AGBL4: variants seen among roughly 807,000 people sequenced by gnomAD.
AGBL4 encodes cytosolic carboxypeptidase 6.
Under a neutral mutation model 66.4 loss-of-function variants are expected in AGBL4, and 58 were observed. The ratio of observed to expected loss-of-function variants is 0.87; its 90% CI spans 0.71 to 1.09. AGBL4 has a LOEUF of 1.09. AGBL4 is among the 50% of genes least tolerant of loss of function. AGBL4 has a pLI of 0.00. For missense variants in AGBL4, 579 were observed against 631.0 expected (o/e 0.92, Z 0.88); for synonymous variants, 234 against 222.9 (o/e 1.05, Z -0.44).
the AGBL4 span, among the ~76,000 whole-genome samples, chr1:48,526,163 C>T: frequency 1.3e-5 from 2 of 152,198 alleles, no homozygotes; most frequent in Admixed American, 1.3e-4. Context: ...CAGGAACAAA[C>T]ATAAACCAGT....
intron 3 of AGBL4, among the ~76,000 whole-genome samples, chr1:49,680,169 G>A (rs1207704183): frequency 2.0e-5 from 3 of 149,096 alleles, no homozygotes; most frequent in Non-Finnish European, 3.0e-5. Flanking sequence ...TCCTGCCTCA[G>A]TCTCCCGAGT....
chr1:49,280,847 G>T (rs1053398481), intron 3 of AGBL4, among the ~76,000 whole-genome samples: 1 of 152,122 alleles, frequency 6.6e-6, no homozygotes, highest in African/African-American at 2.4e-5. Flanking sequence ...TTACATTTTA[G>T]TGGGGGAGAT....
chr1:49,692,211 T>C (rs1350343663), intron 3 of AGBL4, among the ~76,000 whole-genome samples: 1 of 152,080 alleles, frequency 6.6e-6, no homozygotes, highest in Non-Finnish European at 1.5e-5. Flanking sequence ...TTACTTTCAT[T>C]TTACAGATGA....
intron 3 of AGBL4, among the ~76,000 whole-genome samples, chr1:49,280,176 CT>C (rs1365444756): frequency 6.6e-6 from 1 of 152,090 alleles, no homozygotes; most frequent in Non-Finnish European, 1.5e-5. Context: ...TCCCACACCC[CT>C]ATGATTGCAC....
intron 1 of AGBL4, among the ~76,000 whole-genome samples, chr1:50,007,367 C>A (rs1448158239): frequency 6.6e-6 from 1 of 152,140 alleles, no homozygotes; most frequent in African/African-American, 2.4e-5. Flanking sequence ...CCTTATCTAT[C>A]AATAACAACA....
intron 11 of AGBL4, among the ~76,000 whole-genome samples, chr1:48,540,843 C>T (rs1644055813): frequency 6.6e-6 from 1 of 152,122 alleles, no homozygotes; most frequent in Non-Finnish European, 1.5e-5. Context: ...TTGCTGTCAT[C>T]CTGTCCTAAC....
rs185546450 is a variant in AGBL4 at position 49,422,964 on chromosome 1, G to A, written c.283-177100C>T. The A allele has an allele frequency of 4.6e-5, 7 of 152,302 alleles. No homozygotes were observed. The East Asian group carries it at 1.2e-3, about 25-fold the overall frequency. The allele number at this position is 152,302 out of a possible 1,614,324, so 9.4% of individuals were successfully genotyped here. On this transcript the variant is annotated intron_variant, in intron 3 of 13. Coordinates refer to ENST00000371839, the MANE Select transcript of AGBL4 (RefSeq NM_032785.4). ...ACTACATTTCTCAGTCTTCCCTGCA[G>A]TTAGATAAGACTATGAACCAACTCT...
intron 2 of AGBL4, among the ~76,000 whole-genome samples, chr1:49,748,507 A>G (rs1333272920): frequency 2.0e-5 from 3 of 152,192 alleles, no homozygotes; most frequent in Admixed American, 2.0e-4. Flanking sequence ...ATGATTTATA[A>G]TACTTTGGGT....
At chr1:48,960,189 T>G (rs189043283) in intron 5 of AGBL4, among the ~76,000 whole-genome samples, 8 of 152,106 alleles carry the variant, frequency 5.3e-5, no homozygotes, top group African/African-American at 1.9e-4. Flanking sequence ...GGATATATAT[T>G]GATCATAGAA....
chr1:49,368,712 T>C (rs1223819164), intron 3 of AGBL4, among the ~76,000 whole-genome samples: 1 of 152,188 alleles, frequency 6.6e-6, no homozygotes, highest in East Asian at 1.9e-4. Flanking sequence ...AGTCTAATAT[T>C]TTTATGTTGC....
At chr1:49,672,985 T>A in intron 3 of AGBL4, among the ~76,000 whole-genome samples, 1 of 139,018 alleles carries the variant, frequency 7.2e-6, no homozygotes, top group African/African-American at 2.6e-5. Flanking sequence ...AGCCCAAAAC[T>A]AACAAAGAAA....
At chr1:49,184,039 A>G (rs767271396) in intron 4 of AGBL4, among the ~76,000 whole-genome samples, 1 of 152,210 alleles carries the variant, frequency 6.6e-6, no homozygotes, top group Non-Finnish European at 1.5e-5. Context: ...CTGGAACCCA[A>G]ATCTTTTGAT....
rs370669318 is a variant in AGBL4, at chr1:48,663,226, C to T, written c.650G>A (p.Gly217Glu). Reference sequence around the variant, plus strand: ...GATGAATACCACCTTCTGCTCTGCCCCTTCCCGGAGATTGTCTGTAAGATA... The same window carrying T: ...GATGAATACCACCTTCTGCTCTGCCTCTTCCCGGAGATTGTCTGTAAGATA... ...TITSPDNLRE[G>E]AEQKVVFITG... Residue 217 changes from glycine (G) to glutamate (E), a missense_variant, in exon 7 of 14, where the codon GGG becomes GAG. By Grantham distance (98) the Gly-to-Glu change is moderately conservative (BLOSUM62 -2). Coordinates refer to ENST00000371839, the MANE Select transcript of AGBL4 (RefSeq NM_032785.4). 2.5e-6 allele frequency: 4 copies of T among 1,613,790 alleles called. No individual in the cohort carries two copies. Among genetic ancestry groups the T allele is most frequent in the Non-Finnish European group, 3.4e-6 (4 of 1,179,872 alleles).
intron 11 of AGBL4, among the ~76,000 whole-genome samples, chr1:48,572,691 G>C (rs986946680): frequency 9.2e-5 from 14 of 152,102 alleles, no homozygotes; most frequent in East Asian, 1.9e-4. Context: ...GAACTGAAGG[G>C]GGGGTGCGTC....
chr1:49,235,933 C>G (rs1650698747), intron 4 of AGBL4, among the ~76,000 whole-genome samples: 1 of 152,098 alleles, frequency 6.6e-6, no homozygotes, highest in Non-Finnish European at 1.5e-5. Flanking sequence ...ATTATCTCCA[C>G]CACCCTACCC....
At chr1:49,823,709 T>C (rs1645429090) in intron 2 of AGBL4, among the ~76,000 whole-genome samples, 1 of 151,956 alleles carries the variant, frequency 6.6e-6, no homozygotes, top group African/African-American at 2.4e-5. Context: ...GTGCTTGATA[T>C]CCAATTTTAA....
intron 3 of AGBL4, among the ~76,000 whole-genome samples, chr1:49,489,956 A>G (rs1647153812): frequency 6.6e-6 from 1 of 151,634 alleles, no homozygotes. Context: ...TGGATTTTCT[A>G]TGTAGGAAAT....
At chr1:50,005,338 T>C (rs549313110) in intron 1 of AGBL4, among the ~76,000 whole-genome samples, 9 of 151,870 alleles carry the variant, frequency 5.9e-5, no homozygotes, top group Non-Finnish European at 1.0e-4. Context: ...AGAGTAAGAG[T>C]TCTGCCTGGT....
At position 49,891,609 on chromosome 1, in the gene AGBL4, T is replaced by C. The variant is rs368018327; in HGVS notation, c.35-40091A>G. 3.3e-4 allele frequency among the ~76,000 whole-genome samples: 51 copies of C among 152,288 alleles called. 1 individual carries two copies. The South Asian group carries it at 9.3e-3, about 28-fold the overall frequency. ...AAGGGTGCTTGAAAGTGAAACCTGA[T>C]ATAAACCCCGAAAGGTGAGTAAAAA... On this transcript the variant is annotated intron_variant, in intron 1 of 13. Coordinates refer to ENST00000371839, the MANE Select transcript of AGBL4 (RefSeq NM_032785.4).
Sources: gnomAD v4.1 joint callset for allele counts (sites outside exome capture counted in the v4.1 genomes callset) on GRCh38, gnomAD v4.1.1 for gene constraint, MANE v1.5 for transcripts, NCBI Gene and HGNC (gene_info 2026-07-23, HGNC 2026-07-21) for gene names.